The following SCAF11 variants were observed in gnomAD, a reference collection of about 807,000 sequenced individuals.
SCAF11 encodes SR-related CTD associated factor 11.
Under a neutral mutation model 140.5 loss-of-function variants are expected in SCAF11, and 47 were observed. That is an observed-to-expected ratio of 0.33 (90% CI 0.26 to 0.43). The LOEUF is 0.43. Among genes scored for constraint, SCAF11 ranks in the 20% least tolerant of loss-of-function variants. The probability of loss-of-function intolerance (pLI) is 1.00; values close to 1 mark genes in which losing one functional copy is unlikely to be tolerated. For missense variants in SCAF11, 1,645 were observed against 1,705.1 expected, an observed-to-expected ratio of 0.96 and a Z score of 0.62; for synonymous variants, 557 against 579.4, an observed-to-expected ratio of 0.96 and a Z score of 0.55.
intron 1 of SCAF11, among the ~76,000 whole-genome samples, chr12:45,982,253 C>T (rs1455758624): frequency 6.6e-6 from 1 of 152,148 alleles, no homozygotes; most frequent in Non-Finnish European, 1.5e-5. Flanking sequence ...ACTGTCCTAT[C>T]TGAAGGGTTT....
intron 8 of SCAF11, 107 bp downstream of exon 8, chr12:45,934,069 T>A (rs928184145): frequency 1.7e-6 from 1 of 588,694 alleles, no homozygotes; most frequent in South Asian, 3.7e-5. Context: ...AACAACCAGG[T>A]GGGCCTTTCA....
chr12:45,948,123 G>A (rs1592191070), intron 5 of SCAF11, among the ~76,000 whole-genome samples: 1 of 152,054 alleles, frequency 6.6e-6, no homozygotes, highest in South Asian at 2.1e-4. Context: ...AGGGGAGGAC[G>A]GTCCTCACTA....
At chr12:45,948,340 T>C in intron 5 of SCAF11, 97 bp downstream of exon 5, 2 of 740,746 alleles carry the variant, frequency 2.7e-6, no homozygotes, top group Non-Finnish European at 2.3e-6. Flanking sequence ...AGTGATTAAA[T>C]ACATTTAAAC....
chr12:45,990,647 T>A, upstream of SCAF11: 1 of 1,147,554 alleles, frequency 8.7e-7, no homozygotes. Flanking sequence ...CTCCCTTCCC[T>A]CGCTGTCGGC....
intron 3 of SCAF11, among the ~76,000 whole-genome samples, chr12:45,953,433 CT>C (rs1945597385): frequency 6.6e-6 from 1 of 152,060 alleles, no homozygotes; most frequent in Non-Finnish European, 1.5e-5. Context: ...AATGCCAACA[CT>C]TTGAGAGGCC....
At chr12:45,985,292 C>T (rs1189047858) in intron 1 of SCAF11, among the ~76,000 whole-genome samples, 10 of 152,170 alleles carry the variant, frequency 6.6e-5, no homozygotes. Context: ...ATTTGATCAA[C>T]CCCCTGCATG....
intron 1 of SCAF11, 79 bp from the exon 2 acceptor site, chr12:45,964,267 A>T (rs1458714773): frequency 4.2e-6 from 3 of 716,484 alleles, no homozygotes; most frequent in Non-Finnish European, 6.9e-6. Flanking sequence ...CCTAAACTGT[A>T]AGAAATTATT....
rs1944732570 is a variant in SCAF11, at chr12:45,922,249, C to T, written c.4246-55G>A. On this transcript the variant is annotated intron_variant, in intron 14 of 14. Coordinates refer to ENST00000369367, the MANE Select transcript of SCAF11 (RefSeq NM_004719.3). ...TTTTCATGCTTAAAGGGATTAAAGC[C>T]AAAATAGAAAGCTTTGTGAAAAACA... is the stretch of plus-strand genomic sequence containing the variant. 2 of 1,532,254 alleles carry T rather than the reference C, an allele frequency of 1.3e-6. 1 individual carries two copies. The highest frequency in any genetic ancestry group is 3.5e-4 in the Middle Eastern group (2 of 5,708). The allele number at this position is 1,532,254 out of a possible 1,614,324, so 94.9% of individuals were successfully genotyped here.
Position 45,924,912 on chromosome 12 carries a change from T to C in SCAF11, c.3722A>G (p.Asn1241Ser). The C allele has an allele frequency of 6.2e-7, 1 of 1,614,120 alleles. No individual in the cohort carries two copies. The highest frequency in any genetic ancestry group is 2.2e-5 in the East Asian group (1 of 44,868). ...AATGTTAAATGGATTGCGTTGGATG[T>C]TCATCAAAGGAGCATGAACACCCAC... is the stretch of plus-strand genomic sequence containing the variant. ...YPVGVHAPLMNIQRNPFNIHP... is the reference protein window; with the variant it reads ...YPVGVHAPLMSIQRNPFNIHP... The change falls in exon 12 of 15, where the codon AAC (asparagine) becomes AGC (serine). Residue 1241 changes from asparagine (N) to serine (S), a missense_variant. Physicochemically the swap from Asn to Ser is conservative, Grantham distance 46. This residue lies in a region of SCAF11 where 1,582 missense variants were observed against 1,609.2 expected (regional missense o/e 0.98). Coordinates refer to ENST00000369367, the MANE Select transcript of SCAF11 (RefSeq NM_004719.3).
intron 2 of SCAF11, 54 bp downstream of exon 2, chr12:45,964,053 T>C (rs1945883407): frequency 1.1e-6 from 1 of 918,722 alleles, no homozygotes; most frequent in South Asian, 1.4e-5. Context: ...GTGGACAGTT[T>C]GGAAACAACT....
intron 6 of SCAF11, among the ~76,000 whole-genome samples, chr12:45,936,538 A>G (rs904563033): frequency 3.3e-5 from 5 of 152,188 alleles, no homozygotes; most frequent in Admixed American, 2.0e-4. Context: ...TAACTACAAC[A>G]AAAGTATAAA....
chr12:45,946,931 G>A (rs1426500981), intron 5 of SCAF11, among the ~76,000 whole-genome samples: 4 of 152,082 alleles, frequency 2.6e-5, no homozygotes, highest in Non-Finnish European at 5.9e-5. Flanking sequence ...GTCTGTAAAC[G>A]TGTATTTTTC....
chr12:45,958,778 C>T (rs1945757886), intron 3 of SCAF11, among the ~76,000 whole-genome samples: 1 of 152,108 alleles, frequency 6.6e-6, no homozygotes, highest in Non-Finnish European at 1.5e-5. Flanking sequence ...TTCTGACATA[C>T]CCAAAGACTT....
At chr12:45,962,730 T>G (rs1190512956) in intron 2 of SCAF11, among the ~76,000 whole-genome samples, 3 of 152,184 alleles carry the variant, frequency 2.0e-5, no homozygotes, top group Non-Finnish European at 4.4e-5. Flanking sequence ...TAGAACCGCT[T>G]CAGGAAGGAA....
chr12:45,974,126 T>C (rs1246233935), intron 1 of SCAF11: 3 of 467,784 alleles, frequency 6.4e-6, no homozygotes, highest in South Asian at 4.7e-5. Flanking sequence ...TATATTATAC[T>C]GTAGTCCATG....
intron 1 of SCAF11, among the ~76,000 whole-genome samples, chr12:45,985,678 G>A (rs1946445586): frequency 6.6e-6 from 1 of 152,220 alleles, no homozygotes; most frequent in Non-Finnish European, 1.5e-5. Flanking sequence ...GTCTACAACA[G>A]AGTGGCTGAC....
intron 1 of SCAF11, chr12:45,974,622 A>G: frequency 5.4e-6 from 1 of 183,652 alleles, no homozygotes; most frequent in Non-Finnish European, 1.2e-5. Flanking sequence ...AAATTGCAGC[A>G]ATTCAGTCAT....
At chr12:45,934,334 A>G (rs1945122255) in intron 7 of SCAF11, 49 bp from the exon 8 acceptor site, 1 of 1,394,064 alleles carries the variant, frequency 7.2e-7, no homozygotes, top group Admixed American at 1.8e-5. Context: ...ATAACAGGTA[A>G]ATAATAGTTA....
intron 5 of SCAF11, among the ~76,000 whole-genome samples, chr12:45,947,712 T>C (rs1945456700): frequency 6.6e-6 from 1 of 152,256 alleles, no homozygotes; most frequent in Non-Finnish European, 1.5e-5. Flanking sequence ...AGTCTTGCTC[T>C]GTTGCTCAGG....
Sources: allele counts gnomAD v4.1 joint callset (sites outside exome capture counted in the v4.1 genomes callset), GRCh38; gene constraint gnomAD v4.1.1; regional missense constraint gnomAD v4.1.1; transcripts MANE v1.5; gene names NCBI Gene and HGNC (gene_info 2026-07-23, HGNC 2026-07-21).